The following KCNQ1OT1 variants were observed in gnomAD, a reference collection of about 807,000 sequenced individuals.
The protein encoded by KCNQ1OT1 is KCNQ1 opposite strand/antisense transcript 1, also known as KCNQ1 antisense RNA 2 (non-protein coding).
Position 2,679,064 on chromosome 11 carries a change from A to T in KCNQ1OT1, n.20931T>A. On this transcript the variant is annotated non_coding_transcript_exon_variant, in exon 1 of 1. Transcript: ENST00000597346. This position sits in a 1 kb window ranked among gnomAD's most constrained non-coding sequence, Gnocchi z 4.8. ...CTCCTCCATACCAACCACCAAAAAA[A>T]CCCACTAACACCATAAAGTGTCATA... The T allele has an allele frequency of 7.5e-6, 3 of 398,650 alleles. No individual in the cohort carries two copies. The highest frequency in any genetic ancestry group is 1.3e-5 in the Non-Finnish European group (3 of 226,078). 24.7% of individuals were successfully genotyped at this position (398,650 alleles called of 1,614,324 possible). A position where few individuals can be genotyped will look rare whatever the true frequency, so the allele number is the denominator to read the frequency against.
exon 1 of KCNQ1OT1, chr11:2,616,692 T>A (rs1381514419): frequency 5.0e-6 from 2 of 398,126 alleles, no homozygotes; most frequent in Non-Finnish European, 8.9e-6. Flanking sequence ...ATTTGTTAAT[T>A]TTTAGGTTTT....
exon 1 of KCNQ1OT1, chr11:2,632,786 G>T (rs1220936148): frequency 7.5e-6 from 3 of 398,230 alleles, no homozygotes; most frequent in Non-Finnish European, 1.3e-5. Flanking sequence ...ATATTCCATT[G>T]TGTATACATA....
exon 1 of KCNQ1OT1, chr11:2,672,378 ATTGAGCTCAGGCTGGTAT>A (rs1850201375): frequency 8.7e-6 from 3 of 346,616 alleles, no homozygotes; most frequent in African/African-American, 7.4e-5. Context: ...GGCTGATATG[ATTGAGCTCAGGCTGGTAT>A]GGGTTAGGGG....
chr11:2,697,912 C>A (rs1850705658), exon 1 of KCNQ1OT1: 1 of 398,510 alleles, frequency 2.5e-6, no homozygotes, highest in Non-Finnish European at 4.4e-6. Context: ...CTGAAACAGA[C>A]CCACTTTTCT....
rs199803239 is a variant in KCNQ1OT1, at chr11:2,676,413, A to G, written n.23582T>C. 87 of 398,632 alleles carry G rather than the reference A, an allele frequency of 2.2e-4. No homozygotes were observed. In the East Asian group the frequency reaches 2.4e-3, roughly 11 times the overall value. The allele number at this position is 398,632 out of a possible 1,614,324, so 24.7% of individuals were successfully genotyped here. On this transcript the variant is annotated non_coding_transcript_exon_variant, in exon 1 of 1. Coordinates refer to ENST00000597346, the Ensembl canonical transcript of KCNQ1OT1. The surrounding 1 kb of genome is among the most constrained non-coding windows in gnomAD (Gnocchi z 4.2). Reference sequence around the variant, plus strand: ...TGTGTTCAGCTAGAGATTTAGCCCAATGGGCTGGGCTTTTCCCAGATAGGA... The same window carrying G: ...TGTGTTCAGCTAGAGATTTAGCCCAGTGGGCTGGGCTTTTCCCAGATAGGA...
chr11:2,686,737 G>C (rs1467812073), exon 1 of KCNQ1OT1: 1 of 398,514 alleles, frequency 2.5e-6, no homozygotes, highest in African/African-American at 2.1e-5. Context: ...TTCTACCCAG[G>C]ACCAGTAGCT....
Position 2,608,394 on chromosome 11 carries a change from T to A in KCNQ1OT1, n.91601A>T, listed in dbSNP as rs1318981064. 2.5e-6 allele frequency: 1 copy of A among 398,546 alleles called. No homozygotes were observed. The highest frequency in any genetic ancestry group is 3.6e-5 in the East Asian group (1 of 28,096). 24.7% of individuals were successfully genotyped at this position (398,546 alleles called of 1,614,324 possible). ...ATTTCATCTAAGTTTTATAATTTAT[T>A]GGCACAAAATTGTTCATAGTGTTCC... On this transcript the variant is annotated non_coding_transcript_exon_variant, in exon 1 of 1. Transcript: ENST00000597346. This position sits in a 1 kb window ranked among gnomAD's most constrained non-coding sequence, Gnocchi z 4.6.
Position 2,677,701 on chromosome 11 carries a change from A to C in KCNQ1OT1, n.22294T>G, listed in dbSNP as rs1287822985. 2.5e-6 allele frequency: 1 copy of C among 398,494 alleles called. No individual in the cohort carries two copies. Among genetic ancestry groups the C allele is most frequent in the Non-Finnish European group, 4.4e-6 (1 of 226,062 alleles). The allele number at this position is 398,494 out of a possible 1,614,324, so 24.7% of individuals were successfully genotyped here. On this transcript the variant is annotated non_coding_transcript_exon_variant, in exon 1 of 1. Coordinates refer to ENST00000597346, the Ensembl canonical transcript of KCNQ1OT1. The surrounding 1 kb of genome is among the most constrained non-coding windows in gnomAD (Gnocchi z 4.5). ...TTAACTACTGTTATTTTTCAAATTA[A>C]CTTCCCAATCAAATATCTCTATTGT... is the stretch of plus-strand genomic sequence containing the variant.
exon 1 of KCNQ1OT1, chr11:2,646,432 C>T (rs1349298536): frequency 1.5e-5 from 6 of 398,400 alleles, no homozygotes; most frequent in South Asian, 2.5e-4. Context: ...CTTGGTTAAG[C>T]TTTGCTTTTT....
chr11:2,671,087 A>G lies in KCNQ1OT1; in HGVS notation n.28908T>C. On this transcript the variant is annotated non_coding_transcript_exon_variant, in exon 1 of 1. Transcript: ENST00000597346. The surrounding 1 kb of genome is among the most constrained non-coding windows in gnomAD (Gnocchi z 4.7). ...TGGTAGTGACTGGCTAGCAGGAGGAAGTCTGGCAGTTAGTCTGAGCAGTTA... is the reference window on the plus strand; with the variant it reads ...TGGTAGTGACTGGCTAGCAGGAGGAGGTCTGGCAGTTAGTCTGAGCAGTTA... 2.7e-6 allele frequency: 1 copy of G among 377,006 alleles called. No homozygotes were observed. Among genetic ancestry groups the G allele is most frequent in the Non-Finnish European group, 4.5e-6 (1 of 221,000 alleles). 23.4% of individuals were successfully genotyped at this position (377,006 alleles called of 1,614,324 possible).
chr11:2,627,891 C>A lies in KCNQ1OT1; in HGVS notation n.72104G>T, dbSNP rs1359476363. On this transcript the variant is annotated non_coding_transcript_exon_variant, in exon 1 of 1. Coordinates refer to ENST00000597346, the Ensembl canonical transcript of KCNQ1OT1. The surrounding 1 kb of genome is among the most constrained non-coding windows in gnomAD (Gnocchi z 4.9). ...TCAGCCTCCTGAGTAGCTGGGACCA[C>A]AGTCATGCACCCCCATGCCCAGCTA... 2.0e-5 allele frequency: 8 copies of A among 398,602 alleles called. No homozygotes were observed. The highest frequency in any genetic ancestry group is 3.1e-5 in the Non-Finnish European group (7 of 226,190). The allele number at this position is 398,602 out of a possible 1,614,324, so 24.7% of individuals were successfully genotyped here.
chr11:2,668,786 C>T lies in KCNQ1OT1; in HGVS notation n.31209G>A. 1 of 398,604 alleles carries T rather than the reference C, an allele frequency of 2.5e-6. No homozygotes were observed. Among genetic ancestry groups the T allele is most frequent in the Non-Finnish European group, 4.4e-6 (1 of 226,072 alleles). The allele number at this position is 398,604 out of a possible 1,614,324, so 24.7% of individuals were successfully genotyped here. On this transcript the variant is annotated non_coding_transcript_exon_variant, in exon 1 of 1. Coordinates refer to ENST00000597346, the Ensembl canonical transcript of KCNQ1OT1. This position sits in a 1 kb window ranked among gnomAD's most constrained non-coding sequence, Gnocchi z 4.3. ...TCTCTTGATGGTGTCTTTTGATGAACAGAAGGTCTTAATTTTCATGTGGTC... is the reference window on the plus strand; with the variant it reads ...TCTCTTGATGGTGTCTTTTGATGAATAGAAGGTCTTAATTTTCATGTGGTC...
At chr11:2,667,152 G>GCCCTCAA (rs1850089872) in exon 1 of KCNQ1OT1, 3 of 398,550 alleles carry the variant, frequency 7.5e-6, no homozygotes, top group Non-Finnish European at 8.8e-6. Context: ...GGAATCAGAT[G>GCCCTCAA]CCCTCAATCT....
At chr11:2,628,703 T>A (rs1206669309) in exon 1 of KCNQ1OT1, 2 of 398,292 alleles carry the variant, frequency 5.0e-6, no homozygotes, top group African/African-American at 4.1e-5. Flanking sequence ...TCTAAAAAAT[T>A]GTCACAAAAA....
chr11:2,644,782 G>A (rs1849641158), exon 1 of KCNQ1OT1: 7 of 398,640 alleles, frequency 1.8e-5, no homozygotes, highest in Non-Finnish European at 2.7e-5. Flanking sequence ...GCCTGCAGTA[G>A]TGTGATCTCC....
exon 1 of KCNQ1OT1, chr11:2,660,921 C>G: frequency 2.5e-6 from 1 of 398,594 alleles, no homozygotes; most frequent in Non-Finnish European, 4.4e-6. Context: ...ACTATAAGAG[C>G]CTGAATGTCC....
At position 2,661,550 on chromosome 11, in the gene KCNQ1OT1, A is replaced by G. The variant is rs1457705153; in HGVS notation, n.38445T>C. 13 of 528,200 alleles carry G rather than the reference A, an allele frequency of 2.5e-5. No homozygotes were observed. In the Admixed American group the frequency reaches 2.6e-4, roughly 11 times the overall value. The allele number at this position is 528,200 out of a possible 1,614,324, so 32.7% of individuals were successfully genotyped here. ...TCTTTCCTGACCCACTACTCTGTCA[A>G]TGTATGAGTGTGACAATGTATGGTG... is the stretch of plus-strand genomic sequence containing the variant. On this transcript the variant is annotated non_coding_transcript_exon_variant, in exon 1 of 1. Coordinates refer to ENST00000597346, the Ensembl canonical transcript of KCNQ1OT1. This position sits in a 1 kb window ranked among gnomAD's most constrained non-coding sequence, Gnocchi z 5.9.
Position 2,613,770 on chromosome 11 carries a change from C to T in KCNQ1OT1, n.86225G>A. The T allele has an allele frequency of 2.5e-6, 1 of 398,490 alleles. No homozygotes were observed. Among genetic ancestry groups the T allele is most frequent in the Admixed American group, 4.4e-5 (1 of 22,722 alleles). 24.7% of individuals were successfully genotyped at this position (398,490 alleles called of 1,614,324 possible). ...AACAAAAGGAGCTACTGAGAGAAAT[C>T]TTCCTCTCACCCATATCTCTTCCAT... On this transcript the variant is annotated non_coding_transcript_exon_variant, in exon 1 of 1. Coordinates refer to ENST00000597346, the Ensembl canonical transcript of KCNQ1OT1. The surrounding 1 kb of genome is among the most constrained non-coding windows in gnomAD (Gnocchi z 4.8).
Position 2,681,886 on chromosome 11 carries a change from G to A in KCNQ1OT1, n.18109C>T, listed in dbSNP as rs188123393. On this transcript the variant is annotated non_coding_transcript_exon_variant, in exon 1 of 1. Transcript: ENST00000597346. ...GGCCCAGCACTACCATCTAGGTGGG[G>A]AGAAAACACACCGGCCATAATGAAC... The A allele has an allele frequency of 3.2e-3, 1,280 of 398,602 alleles. 29 individuals carry two copies. In the Admixed American group the frequency reaches 0.037, roughly 11 times the overall value. 24.7% of individuals were successfully genotyped at this position (398,602 alleles called of 1,614,324 possible). A position where few individuals can be genotyped will look rare whatever the true frequency, so the allele number is the denominator to read the frequency against.
Sources: allele counts gnomAD v4.1 joint callset, GRCh38; gene constraint gnomAD v4.1.1; non-coding constraint Gnocchi (gnomAD v3.1); transcripts MANE v1.5; gene names NCBI Gene and HGNC (gene_info 2026-07-23, HGNC 2026-07-21).